The following SOD2 variants were observed in gnomAD, a reference collection of about 807,000 sequenced individuals.
SOD2 encodes the protein superoxide dismutase 2.
SOD2 carries 11 observed loss-of-function variants against 27.0 expected under a neutral mutation model. The ratio of observed to expected loss-of-function variants is 0.41; its 90% CI spans 0.26 to 0.67. The LOEUF is 0.67. Ranked by LOEUF, SOD2 falls within the 30% of genes least tolerant of loss-of-function variation. The pLI, the probability that SOD2 is intolerant of heterozygous loss-of-function variation, is 0.34. For missense variants in SOD2, 250 were observed against 274.5 expected (o/e 0.91, Z 0.63); for synonymous variants, 105 against 103.0 (o/e 1.02, Z -0.12).
intron 1 of SOD2, among the ~76,000 whole-genome samples, chr6:159,735,613 G>T (rs1778862196): frequency 6.6e-6 from 1 of 152,226 alleles, no homozygotes; most frequent in South Asian, 2.1e-4. Flanking sequence ...GCCAGGTGTG[G>T]TGGCACGCAC....
At chr6:159,694,952 T>C (rs1777393042), upstream of SOD2, among the ~76,000 whole-genome samples, 1 of 151,932 alleles carries the variant, frequency 6.6e-6, no homozygotes, top group African/African-American at 2.4e-5. Context: ...GATGTGATTG[T>C]TAATTGGAAG....
At chr6:159,714,545 T>C (rs9355747) in intron 1 of SOD2, among the ~76,000 whole-genome samples, 1 of 152,066 alleles carries the variant, frequency 6.6e-6, no homozygotes, top group Non-Finnish European at 1.5e-5. Context: ...AGCCTCTAGA[T>C]GTTTTGCTCG....
chr6:159,755,786 T>TTTTTTTTTTTTTTTTTTTTTTTC, intron 1 of SOD2: 1 of 1,012,990 alleles, frequency 9.9e-7, no homozygotes, highest in African/African-American at 1.8e-5. Context: ...TTTTTTTTTT[T>TTTTTTTTTTTTTTTTTTTTTTTC]TTTTGCTTCA....
chr6:159,731,959 A>ATACC (rs112174698), upstream of SOD2, among the ~76,000 whole-genome samples: 6,517 of 152,222 alleles, frequency 0.043, 226 homozygotes, highest in African/African-American at 0.082. Context: ...AAGAATATGG[A>ATACC]TACCTGTCTT....
In SOD2 at chr6:159,673,498, C is replaced by A. The variant is rs1399795706; in HGVS notation, c.*8995G>T. ...TGAACAACCTGCTCCTGAATGACTA[C>A]TGGGTACATAACAAAATGAAGGCAG... On this transcript the variant is annotated 3_prime_UTR_variant, in exon 5 of 5. Coordinates refer to ENST00000538183, the MANE Select transcript of SOD2 (RefSeq NM_000636.4). The A allele has an allele frequency of 6.6e-6, 1 of 152,240 alleles. No individual in the cohort carries two copies. Among genetic ancestry groups the A allele is most frequent in the East Asian group, 1.9e-4 (1 of 5,188 alleles). The allele number at this position is 152,240 out of a possible 1,614,324, so 9.4% of individuals were successfully genotyped here. A position where few individuals can be genotyped will look rare whatever the true frequency, so the allele number is the denominator to read the frequency against.
chr6:159,731,483 A>G (rs970351242), upstream of SOD2, among the ~76,000 whole-genome samples: 1 of 152,180 alleles, frequency 6.6e-6, no homozygotes, highest in Non-Finnish European at 1.5e-5. Flanking sequence ...AAGAGAGGAA[A>G]AAAAGAAAAT....
upstream of SOD2, chr6:159,727,402 A>AGGCGGGAGGCGGGAGGCGGGG (rs773728704): frequency 2.6e-6 from 3 of 1,162,400 alleles, no homozygotes; most frequent in South Asian, 1.4e-5. Flanking sequence ...GGGAGGCGGG[A>AGGCGGGAGGCGGGAGGCGGGG]GGCAGTGGCG....
At chr6:159,709,845 T>C (rs945088885) in intron 1 of SOD2, among the ~76,000 whole-genome samples, 4 of 151,966 alleles carry the variant, frequency 2.6e-5, no homozygotes, top group African/African-American at 9.7e-5. Flanking sequence ...CTACTCACAA[T>C]AGCAAAGACC....
chr6:159,730,121 C>G (rs986016788), upstream of SOD2, among the ~76,000 whole-genome samples: 3 of 152,132 alleles, frequency 2.0e-5, no homozygotes, highest in Non-Finnish European at 4.4e-5. Flanking sequence ...ATTTGAGACC[C>G]TTACCCCCAA....
intron 1 of SOD2, among the ~76,000 whole-genome samples, chr6:159,710,010 C>T (rs994205083): frequency 8.0e-5 from 12 of 149,784 alleles, no homozygotes; most frequent in African/African-American, 1.7e-4. Context: ...AGCAAACTAT[C>T]GCAAGGACAA....
chr6:159,755,318 G>A (rs754067509), intron 1 of SOD2: 2 of 1,614,116 alleles, frequency 1.2e-6, no homozygotes, highest in East Asian at 2.2e-5. Context: ...CAACACAACC[G>A]AAGATGACTT....
At chr6:159,729,497 A>G (rs983367187), upstream of SOD2, among the ~76,000 whole-genome samples, 1 of 152,216 alleles carries the variant, frequency 6.6e-6, no homozygotes, top group African/African-American at 2.4e-5. Flanking sequence ...TTGAAGATGT[A>G]GTTAATAGAA....
chr6:159,742,493 A>G (rs1779317617), intron 1 of SOD2, among the ~76,000 whole-genome samples: 1 of 152,212 alleles, frequency 6.6e-6, no homozygotes, highest in African/African-American at 2.4e-5. Context: ...TTACTAGTCT[A>G]GAAGAGAAAT....
At chr6:159,742,257 A>G (rs1271357604) in intron 1 of SOD2, 22 of 902,742 alleles carry the variant, frequency 2.4e-5, no homozygotes, top group Middle Eastern at 3.5e-4. Context: ...GTGTTTTATT[A>G]TAAGAACTGT....
chr6:159,702,654 CAAAAAAAAAAAA>C (rs750073120), intron 1 of SOD2, among the ~76,000 whole-genome samples: 8 of 39,834 alleles, frequency 2.0e-4, no homozygotes, highest in East Asian at 8.6e-4. Flanking sequence ...TCTATCTCTC[CAAAAAAAAAAAA>C]AAAAAAAAAA....
intron 4 of SOD2, among the ~76,000 whole-genome samples, chr6:159,683,667 T>C (rs1390165084): frequency 6.6e-6 from 1 of 152,232 alleles, no homozygotes; most frequent in Non-Finnish European, 1.5e-5. Flanking sequence ...TTCCTTCTAA[T>C]GTGCTTTCCA....
chr6:159,760,828 T>G (rs756982604), intron 1 of SOD2: 1 of 152,118 alleles, frequency 6.6e-6, no homozygotes, highest in African/African-American at 2.4e-5. Context: ...ACGGGAGGCA[T>G]TCCTTGAATT....
intron 1 of SOD2, among the ~76,000 whole-genome samples, chr6:159,700,247 C>T (rs1258574084): frequency 6.6e-6 from 1 of 152,212 alleles, no homozygotes; most frequent in Non-Finnish European, 1.5e-5. Flanking sequence ...TTAAATGCCA[C>T]TCCACTTTAG....
rs200950670 is a variant in SOD2 at position 159,712,403 on chromosome 6, C to T, written c.-116+14726G>A. Among the ~76,000 whole-genome samples the T allele has an allele frequency of 7.3e-3, 475 of 65,132 alleles. 11 individuals are homozygous for T. Among genetic ancestry groups the T allele is most frequent in the East Asian group, 0.034 (75 of 2,232 alleles). The allele number at this position is 65,132 out of a possible 152,430, so 42.7% of individuals were successfully genotyped here. ...ACCACCTCCATAACCACCACTCACACTGCTCTGATCACCATAACCACCTCC... is the reference window on the plus strand; with the variant it reads ...ACCACCTCCATAACCACCACTCACATTGCTCTGATCACCATAACCACCTCC... On this transcript the variant is annotated intron_variant, in intron 1 of 2. Transcript: ENST00000401980.
Sources: gnomAD v4.1 joint callset for allele counts (sites outside exome capture counted in the v4.1 genomes callset) on GRCh38, gnomAD v4.1.1 for gene constraint, MANE v1.5 for transcripts, NCBI Gene and HGNC (gene_info 2026-07-23, HGNC 2026-07-21) for gene names.